The following NDUFA10 variants were observed in gnomAD, a reference collection of about 807,000 sequenced individuals.
NDUFA10 encodes NADH dehydrogenase [ubiquinone] 1 alpha subcomplex subunit 10, mitochondrial.
NDUFA10 carries 40 observed loss-of-function variants against 47.8 expected under a neutral mutation model. The ratio of observed to expected loss-of-function variants is 0.84; its 90% CI spans 0.65 to 1.09. NDUFA10 has a LOEUF of 1.09. Ranked by LOEUF, NDUFA10 falls within the 50% of genes least tolerant of loss-of-function variation. NDUFA10 has a pLI of 0.00. For synonymous variants in NDUFA10, 183 were observed against 172.2 expected (o/e 1.06, Z -0.49); for missense variants, 413 against 451.1 (o/e 0.92, Z 0.76).
At chr2:239,975,687 T>C (rs976305419) in intron 9 of NDUFA10, among the ~76,000 whole-genome samples, 2 of 152,176 alleles carry the variant, frequency 1.3e-5, no homozygotes, top group African/African-American at 4.8e-5. Context: ...TCAGTCTCTC[T>C]GCTCTTTCCC....
chr2:239,954,841 T>A (rs994622476), downstream of NDUFA10, among the ~76,000 whole-genome samples: 1 of 152,096 alleles, frequency 6.6e-6, no homozygotes, highest in Non-Finnish European at 1.5e-5. Flanking sequence ...TGGTTGCCAA[T>A]GTTGGCGACA....
intron 9 of NDUFA10, among the ~76,000 whole-genome samples, chr2:239,977,891 C>T (rs1328687084): frequency 6.6e-6 from 1 of 152,210 alleles, no homozygotes; most frequent in Non-Finnish European, 1.5e-5. Context: ...GGTTCTGTGC[C>T]TCCACTCCAC....
chr2:239,969,490 G>A (rs143296956), intron 9 of NDUFA10: 1 of 359,950 alleles, frequency 2.8e-6, no homozygotes, highest in Non-Finnish European at 5.5e-6. Context: ...GTTACAGAAT[G>A]TGCCTGGTCA....
At chr2:239,970,581 G>C (rs551945874) in intron 9 of NDUFA10, among the ~76,000 whole-genome samples, 74 of 152,346 alleles carry the variant, frequency 4.9e-4, no homozygotes, top group African/African-American at 1.7e-3. Flanking sequence ...CCATTGTGTG[G>C]TTTCTGTGAA....
At chr2:239,934,019 G>A (rs1281245498) in intron 4 of NDUFA10, among the ~76,000 whole-genome samples, 2 of 152,024 alleles carry the variant, frequency 1.3e-5, no homozygotes, top group African/African-American at 2.4e-5. Context: ...TGCCAGGCCC[G>A]GATAATTTAT....
intron 4 of NDUFA10, among the ~76,000 whole-genome samples, chr2:239,910,400 C>T (rs928221953): frequency 2.6e-5 from 4 of 152,278 alleles, no homozygotes; most frequent in Admixed American, 2.0e-4. Flanking sequence ...AAGAAATGAG[C>T]TCATGTCCTT....
At chr2:239,995,485 T>C (rs760519947) in intron 8 of NDUFA10, among the ~76,000 whole-genome samples, 1 of 152,062 alleles carries the variant, frequency 6.6e-6, no homozygotes, top group Non-Finnish European at 1.5e-5. Flanking sequence ...AGGGAAAAGA[T>C]AAAAGAGAAT....
At chr2:240,002,939 T>TC (rs1696786362) in intron 8 of NDUFA10, among the ~76,000 whole-genome samples, 1 of 152,018 alleles carries the variant, frequency 6.6e-6, no homozygotes. Flanking sequence ...AGCCTCAACC[T>TC]CCCAGGTTCA....
intron 4 of NDUFA10, among the ~76,000 whole-genome samples, chr2:239,920,618 C>G (rs1693955451): frequency 6.6e-6 from 1 of 152,218 alleles, no homozygotes; most frequent in Non-Finnish European, 1.5e-5. Flanking sequence ...CTTAACTTCC[C>G]TAGAGCCCAA....
chr2:240,015,922 A>G (rs1405774403), intron 4 of NDUFA10, among the ~76,000 whole-genome samples: 2 of 152,236 alleles, frequency 1.3e-5, no homozygotes, highest in African/African-American at 4.8e-5. Context: ...TGGGAGGCCG[A>G]GGTGGGCGCA....
intron 4 of NDUFA10, among the ~76,000 whole-genome samples, chr2:239,919,191 G>A (rs1449925756): frequency 2.0e-5 from 3 of 152,206 alleles, no homozygotes; most frequent in African/African-American, 7.2e-5. Context: ...GACCTTCGGT[G>A]GCACAGAAGG....
At chr2:239,966,082 A>C (rs944316837) in intron 9 of NDUFA10, among the ~76,000 whole-genome samples, 13 of 152,256 alleles carry the variant, frequency 8.5e-5, no homozygotes, top group African/African-American at 3.1e-4. Context: ...CAAGCAGCTA[A>C]GCTGCCCTCC....
intron 9 of NDUFA10, among the ~76,000 whole-genome samples, chr2:239,971,870 A>T (rs1695318065): frequency 6.6e-6 from 1 of 152,206 alleles, no homozygotes; most frequent in South Asian, 2.1e-4. Flanking sequence ...AATTCCCCTC[A>T]TTCCCTCCAA....
chr2:239,964,397 G>A (rs1694978958), intron 9 of NDUFA10, among the ~76,000 whole-genome samples: 1 of 152,128 alleles, frequency 6.6e-6, no homozygotes, highest in Non-Finnish European at 1.5e-5. Context: ...CCCCCGGAAG[G>A]AGCCAGCCCC....
chr2:239,931,615 C>T (rs1240086857), intron 4 of NDUFA10, among the ~76,000 whole-genome samples: 1 of 152,222 alleles, frequency 6.6e-6, no homozygotes, highest in African/African-American at 2.4e-5. Context: ...CAAACCAGTG[C>T]TTGGCACACA....
At chr2:239,933,991 G>T (rs1694221467) in intron 4 of NDUFA10, among the ~76,000 whole-genome samples, 1 of 152,128 alleles carries the variant, frequency 6.6e-6, no homozygotes, top group African/African-American at 2.4e-5. Flanking sequence ...TAGAGTAGCT[G>T]GGACTACAGG....
downstream of NDUFA10, among the ~76,000 whole-genome samples, chr2:239,957,095 A>AC (rs1223716373): frequency 6.6e-6 from 1 of 151,504 alleles, no homozygotes; most frequent in Non-Finnish European, 1.5e-5. Flanking sequence ...CGGCTCAGAC[A>AC]CCCCCCTCCA....
chr2:239,933,699 A>G (rs1411445042), intron 4 of NDUFA10, among the ~76,000 whole-genome samples: 1 of 151,994 alleles, frequency 6.6e-6, no homozygotes, highest in Admixed American at 6.6e-5. Context: ...TTTGACAGGC[A>G]TCAGGTGCTC....
chr2:240,005,096 G>T (rs1696891916), intron 8 of NDUFA10, 114 bp downstream of exon 8: 1 of 898,550 alleles, frequency 1.1e-6, no homozygotes. Flanking sequence ...TCTAAGTATT[G>T]GGTTGGTGCT....
Sources: gnomAD v4.1 joint callset for allele counts (sites outside exome capture counted in the v4.1 genomes callset) on GRCh38, gnomAD v4.1.1 for gene constraint, MANE v1.5 for transcripts, NCBI Gene and HGNC (gene_info 2026-07-23, HGNC 2026-07-21) for gene names.